The following EYA1 variants were observed in gnomAD, a reference collection of about 807,000 sequenced individuals.
EYA1 encodes EYA transcriptional coactivator and phosphatase 1, also known as protein phosphatase EYA1.
Under a neutral mutation model 82.0 loss-of-function variants are expected in EYA1, and 16 were observed. That is an observed-to-expected ratio of 0.20 (90% CI 0.13 to 0.30). EYA1 has a LOEUF of 0.30. Ranked by LOEUF, EYA1 falls within the 10% of genes least tolerant of loss-of-function variation. EYA1 has a pLI of 1.00. For synonymous variants in EYA1, 261 were observed against 264.4 expected, an observed-to-expected ratio of 0.99 and a Z score of 0.12; for missense variants, 633 against 730.7, an observed-to-expected ratio of 0.87 and a Z score of 1.54.
intron 2 of EYA1, among the ~76,000 whole-genome samples, chr8:71,495,937 A>G (rs1238000969): frequency 1.3e-5 from 2 of 152,228 alleles, no homozygotes; most frequent in Non-Finnish European, 2.9e-5. Flanking sequence ...TTTGTTTACT[A>G]CATTGCAGAC....
intron 11 of EYA1, among the ~76,000 whole-genome samples, chr8:71,248,924 T>C (rs561428080): frequency 1.3e-5 from 2 of 152,312 alleles, no homozygotes; most frequent in South Asian, 4.1e-4. Context: ...GATGTTAAAA[T>C]CACCAGGTCT....
At chr8:71,312,126 A>C (rs1293510666) in intron 7 of EYA1, among the ~76,000 whole-genome samples, 1 of 152,244 alleles carries the variant, frequency 6.6e-6, no homozygotes, top group Non-Finnish European at 1.5e-5. Flanking sequence ...GAGTTTTCTA[A>C]GAAGTTTTTT....
intron 11 of EYA1, among the ~76,000 whole-genome samples, chr8:71,253,695 T>C (rs191648533): frequency 1.3e-5 from 2 of 152,330 alleles, no homozygotes; most frequent in East Asian, 1.9e-4. Flanking sequence ...TCCTATCAGT[T>C]AGTTCTCTCA....
At chr8:71,222,648 T>C (rs551034647) in intron 12 of EYA1, among the ~76,000 whole-genome samples, 32 of 152,364 alleles carry the variant, frequency 2.1e-4, no homozygotes, top group Non-Finnish European at 3.4e-4. Flanking sequence ...CACAGACTCC[T>C]AGTTCTTAAG....
At chr8:71,273,306 G>A (rs1816766997) in intron 9 of EYA1, among the ~76,000 whole-genome samples, 1 of 152,150 alleles carries the variant, frequency 6.6e-6, no homozygotes, top group Non-Finnish European at 1.5e-5. Context: ...CAATAAGAAA[G>A]TCCAAATCAA....
intron 2 of EYA1, among the ~76,000 whole-genome samples, chr8:71,386,319 C>G (rs1014839307): frequency 6.6e-6 from 1 of 152,162 alleles, no homozygotes; most frequent in Non-Finnish European, 1.5e-5. Flanking sequence ...GGGCAAAATG[C>G]ACTCATGAGG....
chr8:71,387,997 T>A (rs1407591729), intron 2 of EYA1, among the ~76,000 whole-genome samples: 3 of 152,124 alleles, frequency 2.0e-5, no homozygotes, highest in Non-Finnish European at 4.4e-5. Context: ...AAGAATAAGC[T>A]AGCATATGCC....
At chr8:71,230,919 C>T (rs772848594) in intron 12 of EYA1, among the ~76,000 whole-genome samples, 3 of 152,288 alleles carry the variant, frequency 2.0e-5, no homozygotes, top group South Asian at 2.1e-4. Flanking sequence ...ATGATGGCTT[C>T]CAGCTTCTGT....
intron 11 of EYA1, among the ~76,000 whole-genome samples, chr8:71,246,752 A>G (rs983079806): frequency 3.9e-5 from 6 of 152,220 alleles, no homozygotes; most frequent in African/African-American, 1.4e-4. Context: ...TCAGAATCGT[A>G]CATGTTTGTA....
chr8:71,288,685 A>G (rs1818664358), intron 9 of EYA1, among the ~76,000 whole-genome samples: 1 of 152,258 alleles, frequency 6.6e-6, no homozygotes, highest in Non-Finnish European at 1.5e-5. Flanking sequence ...TTTGAAATTC[A>G]GAAGCTATTT....
chr8:71,328,958 C>A (rs1823486262), intron 4 of EYA1, among the ~76,000 whole-genome samples: 1 of 152,164 alleles, frequency 6.6e-6, no homozygotes, highest in Admixed American at 6.5e-5. Flanking sequence ...CTGAGCATCT[C>A]CTGTATGCTT....
intron 2 of EYA1, among the ~76,000 whole-genome samples, chr8:71,489,320 A>G (rs1312439353): frequency 6.7e-6 from 1 of 150,264 alleles, no homozygotes; most frequent in Non-Finnish European, 1.5e-5. Context: ...TTTTTTTCCT[A>G]CCATAGTTTC....
At chr8:71,250,416 G>A (rs887411439) in intron 11 of EYA1, among the ~76,000 whole-genome samples, 12 of 152,066 alleles carry the variant, frequency 7.9e-5, no homozygotes, top group East Asian at 1.9e-4. Flanking sequence ...TCCCAGTTCC[G>A]CAGCTCCACC....
chr8:71,382,707 T>G (rs183026585), intron 2 of EYA1, among the ~76,000 whole-genome samples: 185 of 152,244 alleles, frequency 1.2e-3, no homozygotes, highest in Admixed American at 3.1e-3. Context: ...TATGTATCTC[T>G]GTGAGTGCCT....
intron 2 of EYA1, among the ~76,000 whole-genome samples, chr8:71,477,588 G>A (rs1156493588): frequency 6.6e-6 from 1 of 151,678 alleles, no homozygotes; most frequent in Non-Finnish European, 1.5e-5. Context: ...TTGGTGAGGA[G>A]GTGAATAAAT....
rs533278943 is a variant in EYA1 at position 71,531,277 on chromosome 8, T to C, written c.33+4467A>G. The C allele has an allele frequency of 8.5e-5, 13 of 152,332 alleles. No individual in the cohort carries two copies. In the South Asian group the frequency reaches 2.7e-3, roughly 32 times the overall value. The allele number at this position is 152,332 out of a possible 1,614,324, so 9.4% of individuals were successfully genotyped here. A position where few individuals can be genotyped will look rare whatever the true frequency, so the allele number is the denominator to read the frequency against. ...CCCACTTGACCTACAAAATTGTGATTTTAAATCAGAGAAGGCAAATATTAT... is the reference window on the plus strand; with the variant it reads ...CCCACTTGACCTACAAAATTGTGATCTTAAATCAGAGAAGGCAAATATTAT... On this transcript the variant is annotated intron_variant, in intron 2 of 18. Coordinates refer to the EYA1 transcript ENST00000643681.
intron 2 of EYA1, among the ~76,000 whole-genome samples, chr8:71,456,263 C>G (rs986212420): frequency 1.4e-4 from 21 of 152,118 alleles, no homozygotes; most frequent in Non-Finnish European, 2.4e-4. Flanking sequence ...AAAGAGGACA[C>G]AAACAAATGG....
chr8:71,262,239 T>C (rs1272818027), intron 11 of EYA1, among the ~76,000 whole-genome samples: 4 of 152,214 alleles, frequency 2.6e-5, no homozygotes, highest in Non-Finnish European at 5.9e-5. Context: ...AAAGATGCAG[T>C]CTTTTTATTA....
intron 7 of EYA1, among the ~76,000 whole-genome samples, chr8:71,300,217 C>A (rs752443202): frequency 1.2e-4 from 19 of 152,050 alleles, no homozygotes; most frequent in Admixed American, 5.2e-4. Flanking sequence ...TGAATGGCAG[C>A]ACCTGATAAA....
Sources: gnomAD v4.1 joint callset for allele counts (sites outside exome capture counted in the v4.1 genomes callset) on GRCh38, gnomAD v4.1.1 for gene constraint, MANE v1.5 for transcripts, NCBI Gene and HGNC (gene_info 2026-07-23, HGNC 2026-07-21) for gene names.